Variants in PFAS observed in about 807,000 individuals in gnomAD.
PFAS encodes the protein phosphoribosylformylglycinamidine synthase, also known as FGAM synthase.
PFAS carries 97 observed loss-of-function variants against 140.6 expected under a neutral mutation model. That is an observed-to-expected ratio of 0.69 (90% CI 0.59 to 0.82). The LOEUF is 0.82. Among genes scored for constraint, PFAS ranks in the 40% least tolerant of loss-of-function variants. PFAS has a pLI of 0.00. For missense variants in PFAS, 1,656 were observed against 1,780.2 expected (o/e 0.93, Z 1.26); for synonymous variants, 679 against 718.8 (o/e 0.94, Z 0.88).
At chr17:8,247,776 G>C, upstream of PFAS, 1 of 576,910 alleles carries the variant, frequency 1.7e-6, no homozygotes, top group Admixed American at 3.1e-5. Flanking sequence ...TTAAACCCTA[G>C]AGAGTGAACG....
chr17:8,264,047 A>G (rs907259501), intron 15 of PFAS, 111 bp downstream of exon 15: 25 of 1,458,616 alleles, frequency 1.7e-5, no homozygotes, highest in East Asian at 1.4e-4. Flanking sequence ...GATGGGAGGT[A>G]GTGGCAAACA....
chr17:8,266,591 C>T lies in PFAS; in HGVS notation c.2822-162C>T, dbSNP rs1421079056. On this transcript the variant is annotated intron_variant, in intron 22 of 27. Transcript: ENST00000314666. This position sits in a 1 kb window ranked among gnomAD's most constrained non-coding sequence, Gnocchi z 5.0. ...CCCTGAGATGTCCATGATGAAACAT[C>T]CTCAGTCCTGCCGTCCTAGCCCTCA... The T allele has an allele frequency of 2.2e-5, 32 of 1,467,500 alleles. No individual in the cohort carries two copies. The highest frequency in any genetic ancestry group is 2.8e-5 in the Non-Finnish European group (31 of 1,116,150). 90.9% of individuals were successfully genotyped at this position (1,467,500 alleles called of 1,614,324 possible).
chr17:8,255,193 C>T, intron 4 of PFAS, 61 bp downstream of exon 4: 3 of 1,262,308 alleles, frequency 2.4e-6, no homozygotes, highest in South Asian at 1.2e-5. Flanking sequence ...AGATCCTAAG[C>T]TCTAGAGAGA....
rs983277181 is a variant in PFAS at position 8,265,802 on chromosome 17, C to T, written c.2546-60C>T. The T allele has an allele frequency of 2.1e-6, 3 of 1,423,228 alleles. No individual in the cohort carries two copies. In the African/African-American group the frequency reaches 4.2e-5, roughly 20 times the overall value. The allele number at this position is 1,423,228 out of a possible 1,614,324, so 88.2% of individuals were successfully genotyped here. A position where few individuals can be genotyped will look rare whatever the true frequency, so the allele number is the denominator to read the frequency against. ...TGCTGGGAATAGCAGTGCTGTGAGC[C>T]CCTCAGGGATGGGTCCTCCTGAGCT... On this transcript the variant is annotated intron_variant, in intron 20 of 27. Transcript: ENST00000314666.
chr17:8,257,979 G>A lies in PFAS; in HGVS notation c.1207+41G>A, dbSNP rs770689078. The A allele has an allele frequency of 2.5e-6, 4 of 1,612,370 alleles. No individual in the cohort carries two copies. In the Admixed American group the frequency reaches 6.7e-5, roughly 27 times the overall value. ...GGAGGGATGACAAACACCCAGAGGGGCTTGTGGGTGGGGTGTGCGACCCAG... is the reference window on the plus strand; with the variant it reads ...GGAGGGATGACAAACACCCAGAGGGACTTGTGGGTGGGGTGTGCGACCCAG... On this transcript the variant is annotated intron_variant, in intron 10 of 27. Transcript: ENST00000314666.
Position 8,266,317 on chromosome 17 carries a change from G to T in PFAS, c.2785G>T (p.Gly929Trp). 1 of 1,614,024 alleles carries T rather than the reference G, an allele frequency of 6.2e-7. No homozygotes were observed. The highest frequency in any genetic ancestry group is 8.5e-7 in the Non-Finnish European group (1 of 1,179,976). The part of the protein sequence containing the change: ...LLEMAFAGNC[G>W]LQVDVPVPRV... ...GGAGATGGCCTTTGCTGGAAATTGC[G>T]GGCTACAGGTGGATGTGCCTGTCCC... The change falls in exon 22 of 28, where the codon GGG becomes TGG. Residue 929 changes from glycine to tryptophan, a missense_variant. Coordinates refer to ENST00000314666, the MANE Select transcript of PFAS (RefSeq NM_012393.3). This position sits in a 1 kb window ranked among gnomAD's most constrained non-coding sequence, Gnocchi z 5.0.
chr17:8,267,220 GT>G lies in PFAS; in HGVS notation c.3161del (p.Val1054GlyfsTer32). ...GCCCCCCACCTTTCCCAAAGCCTCC[GT>G]GCCCCGTGAGCCTGGTGAGGGAGTG... is the stretch of plus-strand genomic sequence containing the variant. ...CLPPTFPKAS[V>X]PREPGGPSPR... On this transcript the variant is annotated frameshift_variant, in exon 24 of 28. Transcript: ENST00000314666. LOFTEE classifies it high-confidence loss of function. The surrounding 1 kb of genome is among the most constrained non-coding windows in gnomAD (Gnocchi z 4.9). The G allele has an allele frequency of 6.2e-7, 1 of 1,608,658 alleles. No homozygotes were observed. The highest frequency in any genetic ancestry group is 8.5e-7 in the Non-Finnish European group (1 of 1,177,662).
intron 26 of PFAS, 26 bp from the exon 27 acceptor site, chr17:8,268,507 A>G (rs1325435738): frequency 6.3e-7 from 1 of 1,583,530 alleles, no homozygotes; most frequent in African/African-American, 1.3e-5. Context: ...TCCATGTCTC[A>G]CCCTGACTTC....
rs1425418702 is a variant in PFAS at position 8,263,656 on chromosome 17, G to A, written c.1629+20G>A. 2.5e-6 allele frequency: 4 copies of A among 1,612,394 alleles called. No individual in the cohort carries two copies. The highest frequency in any genetic ancestry group is 2.2e-5 in the East Asian group (1 of 44,864). ...TTCCAGGTGGGTCTCGTCCCCTGAAGTGTGACATTTTCCCACCCCTGCCAG... is the reference window on the plus strand; with the variant it reads ...TTCCAGGTGGGTCTCGTCCCCTGAAATGTGACATTTTCCCACCCCTGCCAG... On this transcript the variant is annotated intron_variant, in intron 14 of 27. Coordinates refer to ENST00000314666, the MANE Select transcript of PFAS (RefSeq NM_012393.3).
chr17:8,266,329 G>A lies in PFAS; in HGVS notation c.2797G>A (p.Asp933Asn), dbSNP rs780151633. ...TGCTGGAAATTGCGGGCTACAGGTG[G>A]ATGTGCCTGTCCCCAGGGTTGATGG... Reference protein sequence around the residue: ...AFAGNCGLQVDVPVPRVDVLS... With the variant: ...AFAGNCGLQVNVPVPRVDVLS... The change falls in exon 22 of 28, where the codon GAT becomes AAT. Residue 933 changes from aspartate (D) to asparagine (N), a missense_variant. Physicochemically the swap from Asp to Asn is conservative, Grantham distance 23. This residue lies in a region of PFAS where 883 missense variants were observed against 1,023.0 expected (regional missense o/e 0.86). Transcript: ENST00000314666. This position sits in a 1 kb window ranked among gnomAD's most constrained non-coding sequence, Gnocchi z 5.0. The A allele has an allele frequency of 4.3e-6, 7 of 1,614,076 alleles. No individual in the cohort carries two copies. In the South Asian group the frequency reaches 5.5e-5, roughly 13 times the overall value.
rs1181638468 is a variant in PFAS at position 8,263,756 on chromosome 17, C to T, written c.1630-19C>T. On this transcript the variant is annotated intron_variant, in intron 14 of 27. Coordinates refer to ENST00000314666, the MANE Select transcript of PFAS (RefSeq NM_012393.3). The stretch of plus-strand genomic sequence containing the variant: ...GTGCCCACTGGCCCTTCTCTTTCCT[C>T]CCCGCCGTGGCTGTGCAGCTTGGGG... The T allele has an allele frequency of 6.2e-7, 1 of 1,611,070 alleles. No individual in the cohort carries two copies. Among genetic ancestry groups the T allele is most frequent in the East Asian group, 2.2e-5 (1 of 44,788 alleles).
At position 8,267,070 on chromosome 17, in the gene PFAS, G is replaced by C. The variant is rs149496268; in HGVS notation, c.3010G>C (p.Val1004Leu). 1 of 1,614,080 alleles carries C rather than the reference G, an allele frequency of 6.2e-7. No individual in the cohort carries two copies. Among genetic ancestry groups the C allele is most frequent in the Non-Finnish European group, 8.5e-7 (1 of 1,180,018 alleles). Residue 1004 changes from valine to leucine, a missense_variant, in exon 24 of 28, where the codon GTT (valine) becomes CTT (leucine). Physicochemically the swap from Val to Leu is conservative, Grantham distance 32. Around this residue, in one of 2 missense-constraint regions of PFAS, gnomAD observed 883 missense variants for 1,023.0 expected, o/e 0.86. Coordinates refer to ENST00000314666, the MANE Select transcript of PFAS (RefSeq NM_012393.3). This position sits in a 1 kb window ranked among gnomAD's most constrained non-coding sequence, Gnocchi z 4.9. ...CGGGGCTGTGGTTCTGGAGGAGCCTGTTGGGGAGCTGCGAGCCCTCTGGGA... is the reference window on the plus strand; with the variant it reads ...CGGGGCTGTGGTTCTGGAGGAGCCTCTTGGGGAGCTGCGAGCCCTCTGGGA... ...VNGAVVLEEPVGELRALWEET... is the reference protein window; with the variant it reads ...VNGAVVLEEPLGELRALWEET...
At position 8,266,109 on chromosome 17, in the gene PFAS, T is replaced by C; in HGVS notation, c.2701+92T>C. 2 of 1,532,808 alleles carry C rather than the reference T, an allele frequency of 1.3e-6. No individual in the cohort carries two copies. Among genetic ancestry groups the C allele is most frequent in the Non-Finnish European group, 1.8e-6 (2 of 1,126,308 alleles). The allele number at this position is 1,532,808 out of a possible 1,614,324, so 95.0% of individuals were successfully genotyped here. A position where few individuals can be genotyped will look rare whatever the true frequency, so the allele number is the denominator to read the frequency against. ...AGCAGTGGGGCAAAAGGGACTCCAA[T>C]GGACGATGTACCCCAGATCCCCTGA... On this transcript the variant is annotated intron_variant, in intron 21 of 27. Coordinates refer to ENST00000314666, the MANE Select transcript of PFAS (RefSeq NM_012393.3). This position sits in a 1 kb window ranked among gnomAD's most constrained non-coding sequence, Gnocchi z 5.0.
intron 1 of PFAS, among the ~76,000 whole-genome samples, chr17:8,253,300 G>A (rs2151575276): frequency 6.6e-6 from 1 of 152,174 alleles, no homozygotes; most frequent in South Asian, 2.1e-4. Context: ...ACCTTGACTG[G>A]GGCCCAGCAA....
rs1379870092 is a variant in PFAS, at chr17:8,269,095, G to A, written c.3848G>A (p.Gly1283Asp). The A allele has an allele frequency of 1.2e-6, 2 of 1,614,154 alleles. No individual in the cohort carries two copies. The highest frequency in any genetic ancestry group is 8.5e-7 in the Non-Finnish European group (1 of 1,180,028). Residue 1283 changes from glycine (G) to aspartate (D), a missense_variant, in exon 28 of 28, where the codon GGC (glycine) becomes GAC (aspartate). Transcript: ENST00000314666. ...NPNGSPGGVA[G>D]ICSCDGRHLA... ...AATGGGTCCCCAGGGGGCGTGGCTG[G>A]CATCTGCTCCTGTGATGGCCGCCAC...
Position 8,267,201 on chromosome 17 carries a change from C to G in PFAS, c.3141C>G (p.Pro1047=), listed in dbSNP as rs199987350. 1.2e-6 allele frequency: 2 copies of G among 1,606,776 alleles called. No homozygotes were observed. The highest frequency in any genetic ancestry group is 1.1e-5 in the South Asian group (1 of 90,520). ...ERMGPSYCLP[P]TFPKASVPRE... ...TGGGGCCCAGCTATTGCCTGCCCCC[C>G]ACCTTTCCCAAAGCCTCCGTGCCCC... is the stretch of plus-strand genomic sequence containing the variant. Residue 1047 remains proline (P), a synonymous_variant, in exon 24 of 28, where the codon CCC becomes CCG. Transcript: ENST00000314666. The surrounding 1 kb of genome is among the most constrained non-coding windows in gnomAD (Gnocchi z 4.9).
At chr17:8,257,752 C>T (rs1365703595) in intron 9 of PFAS, 55 bp from the exon 10 acceptor site, 19 of 1,597,846 alleles carry the variant, frequency 1.2e-5, no homozygotes, top group Admixed American at 8.3e-5. Context: ...CAGGCTGCTC[C>T]GGCCTGTCTT....
intron 1 of PFAS, among the ~76,000 whole-genome samples, chr17:8,251,036 C>A (rs1357571379): frequency 6.6e-6 from 1 of 151,666 alleles, no homozygotes; most frequent in East Asian, 1.9e-4. Context: ...GCCTATAATC[C>A]CAGCACTTTG....
chr17:8,252,769 C>T (rs1486023870), intron 1 of PFAS, among the ~76,000 whole-genome samples: 3 of 151,956 alleles, frequency 2.0e-5, no homozygotes, highest in Non-Finnish European at 4.4e-5. Context: ...AGGCACATGC[C>T]AGCACACCCA....
Sources: gnomAD v4.1 joint callset for allele counts (sites outside exome capture counted in the v4.1 genomes callset) on GRCh38, gnomAD v4.1.1 for gene constraint, gnomAD v4.1.1 regional missense constraint, Gnocchi (gnomAD v3.1) non-coding constraint, MANE v1.5 for transcripts, NCBI Gene and HGNC (gene_info 2026-07-23, HGNC 2026-07-21) for gene names.